EIF3E: variants seen among roughly 807,000 people sequenced by gnomAD.
The protein encoded by EIF3E is eIF-3 p48.
In EIF3E, 25 loss-of-function variants were observed where a neutral mutation model predicts 59.3. The observed-to-expected ratio is 0.42, with a 90% confidence interval of 0.31 to 0.59. The LOEUF (loss-of-function observed/expected upper bound fraction) is 0.59, where lower values mean the gene tolerates loss of function less well. Among genes scored for constraint, EIF3E ranks in the 20% least tolerant of loss-of-function variants. The pLI, the probability that EIF3E is intolerant of heterozygous loss-of-function variation, is 0.15. For synonymous variants in EIF3E, 176 were observed against 170.2 expected, an observed-to-expected ratio of 1.03 and a Z score of -0.26; for missense variants, 317 against 534.3, an observed-to-expected ratio of 0.59 and a Z score of 4.01.
At chr8:108,209,729 C>A (rs560721356) in intron 10 of EIF3E, among the ~76,000 whole-genome samples, 1 of 152,126 alleles carries the variant, frequency 6.6e-6, no homozygotes, top group African/African-American at 2.4e-5. Context: ...GGAAGCTGAA[C>A]ACTAACTTTT....
intron 2 of EIF3E, among the ~76,000 whole-genome samples, chr8:108,241,083 G>A (rs1270782674): frequency 1.3e-5 from 2 of 152,076 alleles, no homozygotes; most frequent in East Asian, 1.9e-4. Context: ...TCAAACATGT[G>A]GATTATGTTT....
At chr8:108,205,975 C>T (rs1157656830) in intron 10 of EIF3E, among the ~76,000 whole-genome samples, 2 of 152,076 alleles carry the variant, frequency 1.3e-5, no homozygotes, top group Admixed American at 6.6e-5. Flanking sequence ...TTCAAGCATC[C>T]TCTGGGGGTT....
chr8:108,244,081 TA>T (rs1475132943), intron 1 of EIF3E, among the ~76,000 whole-genome samples: 1 of 152,194 alleles, frequency 6.6e-6, no homozygotes, highest in Non-Finnish European at 1.5e-5. Flanking sequence ...AAATACTATA[TA>T]AGTACTCACA....
rs370839327 is a variant in EIF3E at position 108,222,980 on chromosome 8, T to A, written c.722+5287A>T. ...GCTTTATGGGAGTTTTCCTACAGTGTTTCATAATTAAACACAGAAAATTTA... is the reference window on the plus strand; with the variant it reads ...GCTTTATGGGAGTTTTCCTACAGTGATTCATAATTAAACACAGAAAATTTA... On this transcript the variant is annotated intron_variant, in intron 7 of 12. Transcript: ENST00000220849. Among the ~76,000 whole-genome samples, 14 of 152,200 alleles carry A rather than the reference T, an allele frequency of 9.2e-5. 1 individual carries two copies. The highest frequency in any genetic ancestry group is 3.4e-4 in the African/African-American group (14 of 41,548).
intron 8 of EIF3E, 136 bp downstream of exon 8, chr8:108,217,198 T>C: frequency 2.9e-6 from 2 of 683,436 alleles, no homozygotes. Flanking sequence ...TCTTCTCTTT[T>C]CTAAACTTCA....
At chr8:108,221,148 C>T (rs960273007) in intron 7 of EIF3E, among the ~76,000 whole-genome samples, 4 of 151,956 alleles carry the variant, frequency 2.6e-5, no homozygotes, top group African/African-American at 9.6e-5. Flanking sequence ...AGAAAAGAAC[C>T]CCTCAGACAC....
intron 5 of EIF3E, among the ~76,000 whole-genome samples, chr8:108,232,482 A>AT (rs1372507509): frequency 1.3e-5 from 2 of 152,100 alleles, no homozygotes; most frequent in African/African-American, 4.8e-5. Context: ...TAACCCTCAA[A>AT]TTTTTTTAAG....
chr8:108,245,923 G>A (rs1815939316), intron 1 of EIF3E, among the ~76,000 whole-genome samples: 1 of 152,148 alleles, frequency 6.6e-6, no homozygotes, highest in Non-Finnish European at 1.5e-5. Flanking sequence ...TTATCCATGA[G>A]CTAAATGTTC....
At chr8:108,210,579 T>C (rs1260093336) in intron 10 of EIF3E, among the ~76,000 whole-genome samples, 2 of 152,186 alleles carry the variant, frequency 1.3e-5, no homozygotes, top group Non-Finnish European at 2.9e-5. Flanking sequence ...CATAAATACG[T>C]ATTATTTCCA....
At chr8:108,247,990 T>C (rs1295357206) in intron 1 of EIF3E, among the ~76,000 whole-genome samples, 1 of 116,252 alleles carries the variant, frequency 8.6e-6, no homozygotes, top group Non-Finnish European at 1.6e-5. Context: ...ATATATCCAC[T>C]GGAAAACACA....
intron 10 of EIF3E, among the ~76,000 whole-genome samples, chr8:108,203,874 C>T (rs1815042033): frequency 6.6e-6 from 1 of 151,952 alleles, no homozygotes; most frequent in African/African-American, 2.4e-5. Flanking sequence ...CCTCCATATC[C>T]ACAGGTTCCA....
At chr8:108,202,400 C>T (rs910259983) in intron 12 of EIF3E, among the ~76,000 whole-genome samples, 2 of 152,076 alleles carry the variant, frequency 1.3e-5, no homozygotes, top group South Asian at 2.1e-4. Context: ...GACTTCCTAC[C>T]CTCCAGTTAC....
intron 7 of EIF3E, among the ~76,000 whole-genome samples, chr8:108,225,869 A>G (rs958379188): frequency 3.4e-5 from 5 of 146,654 alleles, no homozygotes; most frequent in Admixed American, 6.6e-5. Context: ...TCTTCTCACT[A>G]ATTTTGTTTT....
At chr8:108,207,747 C>G (rs1298709342) in intron 10 of EIF3E, among the ~76,000 whole-genome samples, 1 of 152,164 alleles carries the variant, frequency 6.6e-6, no homozygotes, top group Non-Finnish European at 1.5e-5. Flanking sequence ...CAAAACACAA[C>G]ATCGAATATG....
intron 2 of EIF3E, among the ~76,000 whole-genome samples, chr8:108,241,410 C>T (rs1188924408): frequency 6.6e-6 from 1 of 151,448 alleles, no homozygotes; most frequent in Non-Finnish European, 1.5e-5. Flanking sequence ...ATTTGGAGAA[C>T]AATGTCTACA....
intron 7 of EIF3E, among the ~76,000 whole-genome samples, chr8:108,222,617 T>C (rs1815438912): frequency 6.6e-6 from 1 of 152,202 alleles, no homozygotes; most frequent in Non-Finnish European, 1.5e-5. Flanking sequence ...CCCTGGCTTA[T>C]CTCTCTTCTC....
chr8:108,216,792 T>G (rs1815313326), intron 8 of EIF3E, among the ~76,000 whole-genome samples: 1 of 152,148 alleles, frequency 6.6e-6, no homozygotes. Flanking sequence ...CAATAAACAG[T>G]AATAAACTTC....
chr8:108,203,173 G>C (rs1815026383), intron 11 of EIF3E, 56 bp from the exon 12 acceptor site: 6 of 1,580,850 alleles, frequency 3.8e-6, no homozygotes, highest in African/African-American at 1.4e-5. Flanking sequence ...AGTTTCTCAG[G>C]TAAGTAAAAA....
intron 4 of EIF3E, among the ~76,000 whole-genome samples, 192 bp from the exon 5 acceptor site, chr8:108,235,294 C>G (rs1258512090): frequency 6.6e-6 from 1 of 152,134 alleles, no homozygotes; most frequent in Non-Finnish European, 1.5e-5. Flanking sequence ...TTTTATAGAA[C>G]TGACCTCTGG....
Sources: allele counts gnomAD v4.1 joint callset (sites outside exome capture counted in the v4.1 genomes callset), GRCh38; gene constraint gnomAD v4.1.1; transcripts MANE v1.5; gene names NCBI Gene and HGNC (gene_info 2026-07-23, HGNC 2026-07-21).